Variants in SPIN2A observed in about 807,000 individuals in gnomAD.
SPIN2A encodes the protein spindlin-2A.
SPIN2A carries 4 observed loss-of-function variants against 9.2 expected under a neutral mutation model. The ratio of observed to expected loss-of-function variants is 0.44; its 90% CI spans 0.21 to 1.00. SPIN2A has a LOEUF of 1.00. Ranked by LOEUF, SPIN2A falls within the 50% of genes least tolerant of loss-of-function variation. SPIN2A has a pLI of 0.26. For missense variants in SPIN2A, 77 were observed against 172.8 expected (o/e 0.45, Z 3.11); for synonymous variants, 25 against 61.2 (o/e 0.41, Z 2.76).
the SPIN2A span, among the ~76,000 whole-genome samples, chrX:57,143,894 G>T: frequency 1.1e-4 from 12 of 111,923 alleles, no homozygotes; most frequent in African/African-American, 3.9e-4. Flanking sequence ...ATTTATCAGT[G>T]AGTTTTAGAT....
At chrX:57,146,001 A>AG in the SPIN2A span, among the ~76,000 whole-genome samples, 642 of 107,716 alleles carry the variant, frequency 6.0e-3, 8 homozygotes, top group African/African-American at 0.021. Context: ...TGATGCCTCC[A>AG]AATTTTTTTT....
chrX:57,141,032 G>C (rs755400228), upstream of SPIN2A, among the ~76,000 whole-genome samples: 1 of 112,042 alleles, frequency 8.9e-6, no homozygotes, highest in East Asian at 2.8e-4. Context: ...TAGACAAAAG[G>C]CTTTCAGGTT....
At chrX:57,144,436 G>C in the SPIN2A span, among the ~76,000 whole-genome samples, 2 of 107,166 alleles carry the variant, frequency 1.9e-5, no homozygotes, top group Non-Finnish European at 3.8e-5. Flanking sequence ...TGTAAAGCAA[G>C]TAACTCTGTG....
upstream of SPIN2A, chrX:57,137,497 G>A (rs1045814142): frequency 1.4e-4 from 28 of 204,881 alleles, no homozygotes; most frequent in Non-Finnish European, 1.9e-4. Context: ...AGTCCCTGAT[G>A]CAGTGGCTGT....
intron 1 of SPIN2A, 41 bp downstream of exon 1, chrX:57,137,219 A>G (rs1161287624): frequency 1.3e-6 from 1 of 756,651 alleles, no homozygotes; most frequent in Non-Finnish European, 1.6e-6. Flanking sequence ...CCTGGCGTCC[A>G]CCGCCGGGGA....
At chrX:57,140,683 A>G (rs905664449), upstream of SPIN2A, among the ~76,000 whole-genome samples, 10 of 111,009 alleles carry the variant, frequency 9.0e-5, no homozygotes, top group African/African-American at 2.0e-4. Context: ...TTTCAGCATC[A>G]GCGATGCAGC....
At chrX:57,138,823 A>G (rs1927918862), upstream of SPIN2A, among the ~76,000 whole-genome samples, 1 of 111,895 alleles carries the variant, frequency 8.9e-6, no homozygotes, top group East Asian at 2.8e-4. Context: ...GCGATTTAGA[A>G]TACTTTTTAT....
At chrX:57,135,523 A>G, downstream of SPIN2A, 1 of 361,067 alleles carries the variant, frequency 2.8e-6, no homozygotes, top group Non-Finnish European at 4.7e-6. Flanking sequence ...CCATTTTTAA[A>G]TGACTGATTA....
chrX:57,142,718 T>C, the SPIN2A span, among the ~76,000 whole-genome samples: 1 of 111,915 alleles, frequency 8.9e-6, no homozygotes, highest in African/African-American at 3.2e-5. Flanking sequence ...TAGTCCACAC[T>C]TGTTATCGTT....
chrX:57,134,432 G>A (rs776432687), downstream of SPIN2A: 45 of 111,167 alleles, frequency 4.0e-4, no homozygotes, highest in African/African-American at 1.4e-3. Flanking sequence ...GTGGCTTCTT[G>A]GGACAGCAGG....
downstream of SPIN2A, chrX:57,135,582 C>G: frequency 1.8e-6 from 1 of 569,339 alleles, no homozygotes. Flanking sequence ...GCTGTTCGTT[C>G]CTTCCATGCC....
chrX:57,137,463 C>T (rs1376673202), upstream of SPIN2A: 4 of 495,670 alleles, frequency 8.1e-6, no homozygotes, highest in East Asian at 3.7e-4. Context: ...GGCGGCCACC[C>T]CTCAGCCACG....
chrX:57,135,483 C>G (rs1927664537), downstream of SPIN2A: 2 of 258,436 alleles, frequency 7.7e-6, no homozygotes, highest in South Asian at 1.1e-4. Context: ...TTCCCCTGCC[C>G]CCTCCAGACC....
the SPIN2A span, among the ~76,000 whole-genome samples, chrX:57,144,507 T>C: frequency 9.1e-6 from 1 of 110,185 alleles, no homozygotes; most frequent in Non-Finnish European, 1.9e-5. Context: ...TTCATTCTTT[T>C]TTATTTTTTA....
the SPIN2A span, among the ~76,000 whole-genome samples, chrX:57,144,923 T>TACAC: frequency 0.27 from 28,524 of 105,255 alleles, 3,148 homozygotes; most frequent in Middle Eastern, 0.53. Context: ...TGTGTGTGCA[T>TACAC]ACACACACAC....
At chrX:57,135,025 T>A (rs1157840303), downstream of SPIN2A, 3 of 111,143 alleles carry the variant, frequency 2.7e-5, no homozygotes, top group East Asian at 8.5e-4. Context: ...CTACCAGAAG[T>A]CCAACATTTT....
chrX:57,139,894 G>A (rs1927952369), upstream of SPIN2A, among the ~76,000 whole-genome samples: 2 of 111,997 alleles, frequency 1.8e-5, no homozygotes, highest in South Asian at 7.4e-4. Context: ...TTTCCATAAA[G>A]AATGTCTTTG....
upstream of SPIN2A, among the ~76,000 whole-genome samples, chrX:57,141,611 C>T (rs779873645): frequency 9.0e-6 from 1 of 111,176 alleles, no homozygotes; most frequent in Non-Finnish European, 1.9e-5. Flanking sequence ...ATCTCATTAC[C>T]TATTATTGGT....
Position 57,136,022 on chromosome X carries a change from G to A in SPIN2A, c.576C>T (p.Ser192=). The part of the protein sequence containing the change: ...KEGDLRIMPE[S]SESPPTEREP... ...CCCTCTCTGTTGGAGGAGACTCACT[G>A]GATTCTGGCATGATGCGGAGGTCAC... The change falls in exon 2 of 2, where the codon TCC becomes TCT. Residue 192 remains serine (S), a synonymous_variant. Coordinates refer to ENST00000374906, the MANE Select transcript of SPIN2A (RefSeq NM_019003.5). The A allele has an allele frequency of 8.3e-7, 1 of 1,205,909 alleles. No homozygotes were observed. Among genetic ancestry groups the A allele is most frequent in the South Asian group, 1.8e-5 (1 of 56,545 alleles).
Sources: gnomAD v4.1 joint callset for allele counts (sites outside exome capture counted in the v4.1 genomes callset) on GRCh38, gnomAD v4.1.1 for gene constraint, MANE v1.5 for transcripts, NCBI Gene and HGNC (gene_info 2026-07-23, HGNC 2026-07-21) for gene names.